The following LCT variants were observed in gnomAD, a reference collection of about 807,000 sequenced individuals.
LCT encodes the protein lactase/phlorizin hydrolase.
Under a neutral mutation model 173.0 loss-of-function variants are expected in LCT, and 90 were observed. The observed-to-expected ratio is 0.52, with a 90% CI of 0.44 to 0.62. LCT has a LOEUF of 0.62. LCT is among the 20% of genes least tolerant of loss of function. LCT has a pLI of 0.00. For missense variants in LCT, 1,864 were observed against 2,431.4 expected (o/e 0.77, Z 4.91); for synonymous variants, 853 against 957.6 (o/e 0.89, Z 2.02).
At chr2:135,817,194 A>C in intron 6 of LCT, 147 bp downstream of exon 6, 1 of 980,348 alleles carries the variant, frequency 1.0e-6, no homozygotes, top group South Asian at 1.6e-5. Context: ...TTTAATTAAC[A>C]ATTTATGGTT....
intron 15 of LCT, 123 bp from the exon 16 acceptor site, chr2:135,789,921 T>G: frequency 1.3e-6 from 1 of 793,498 alleles, no homozygotes; most frequent in Non-Finnish European, 2.2e-6. Flanking sequence ...CGGTAAGCTT[T>G]GGCTTTAGCT....
At chr2:135,823,402 T>C (rs1156637959) in intron 4 of LCT, among the ~76,000 whole-genome samples, 1 of 152,136 alleles carries the variant, frequency 6.6e-6, no homozygotes, top group Non-Finnish European at 1.5e-5. Context: ...TAAGAGACAC[T>C]AGGAAGATGG....
At chr2:135,801,846 T>C (rs995741875) in intron 11 of LCT, among the ~76,000 whole-genome samples, 1 of 151,984 alleles carries the variant, frequency 6.6e-6, no homozygotes, top group Admixed American at 6.6e-5. Context: ...AGTGCTGGGA[T>C]TACAGGCGTG....
chr2:135,813,278 G>T (rs181786235), intron 6 of LCT, among the ~76,000 whole-genome samples: 71 of 152,200 alleles, frequency 4.7e-4, no homozygotes, highest in African/African-American at 1.7e-3. Context: ...ATGTCAACAA[G>T]TCAATAATAT....
chr2:135,836,658 G>A lies in LCT; in HGVS notation c.512C>T (p.Thr171Ile). 1 of 1,614,132 alleles carries A rather than the reference G, an allele frequency of 6.2e-7. No individual in the cohort carries two copies. Among genetic ancestry groups the A allele is most frequent in the African/African-American group, 1.3e-5 (1 of 75,032 alleles). ...SFGDLVGIWFTFSDLEEVIKE... is the reference protein window; with the variant it reads ...SFGDLVGIWFIFSDLEEVIKE... ...GATCACTTCCTCCAAGTCACTGAAGGTGAACCAGATCCCAACTAGGTCCCC... is the reference window on the plus strand; with the variant it reads ...GATCACTTCCTCCAAGTCACTGAAGATGAACCAGATCCCAACTAGGTCCCC... The change falls in exon 1 of 17, where the codon ACC becomes ATC. Residue 171 changes from threonine (T) to isoleucine (I), a missense_variant. Coordinates refer to ENST00000264162, the MANE Select transcript of LCT (RefSeq NM_002299.4).
chr2:135,807,463 C>T, intron 8 of LCT, 67 bp from the exon 9 acceptor site: 2 of 1,430,420 alleles, frequency 1.4e-6, no homozygotes, highest in Non-Finnish European at 2.0e-6. Context: ...ATGCACCCAA[C>T]CCACTGCCAG....
chr2:135,809,694 C>T lies in LCT; in HGVS notation c.2653G>A (p.Glu885Lys). 2 of 1,614,206 alleles carry T rather than the reference C, an allele frequency of 1.2e-6. No homozygotes were observed. The highest frequency in any genetic ancestry group is 1.7e-6 in the Non-Finnish European group (2 of 1,180,036). ...AACTTGGGTTGGCTGGAGAACTTTT[C>T]CCAAACGACTTTAGCCTTGGAGGGC... ...EVPSKAKVVW[E>K]KFSSQPKFER... is the part of the protein sequence containing the mutation. The change falls in exon 8 of 17, where the codon GAA becomes AAA. Residue 885 changes from glutamate to lysine, a missense_variant. Glu to Lys is a moderately conservative substitution (Grantham distance 56, BLOSUM62 1). Around this residue, in one of 4 missense-constraint regions of LCT, gnomAD observed 755 missense variants for 926.3 expected, o/e 0.82. Coordinates refer to ENST00000264162, the MANE Select transcript of LCT (RefSeq NM_002299.4). This position sits in a 1 kb window ranked among gnomAD's most constrained non-coding sequence, Gnocchi z 5.5.
intron 2 of LCT, among the ~76,000 whole-genome samples, chr2:135,829,960 T>A (rs949104512): frequency 7.9e-5 from 12 of 152,098 alleles, no homozygotes; most frequent in Non-Finnish European, 1.2e-4. Context: ...GCAGTGTTGA[T>A]GGCTAAATGA....
chr2:135,809,667 C>T lies in LCT; in HGVS notation c.2680G>A (p.Glu894Lys), dbSNP rs777321408. The T allele has an allele frequency of 1.2e-5, 20 of 1,614,214 alleles. No homozygotes were observed. Among genetic ancestry groups the T allele is most frequent in the East Asian group, 2.2e-5 (1 of 44,888 alleles). Reference protein sequence around the residue: ...WEKFSSQPKFERDLFYHGTFR... With the variant: ...WEKFSSQPKFKRDLFYHGTFR... ...GTCCCGTGGTAGAACAAATCTCTTT[C>T]GAACTTGGGTTGGCTGGAGAACTTT... The change falls in exon 8 of 17, where the codon GAA becomes AAA. Residue 894 changes from glutamate to lysine, a missense_variant. Transcript: ENST00000264162. The surrounding 1 kb of genome is among the most constrained non-coding windows in gnomAD (Gnocchi z 5.5).
intron 13 of LCT, among the ~76,000 whole-genome samples, chr2:135,796,941 A>ATTT (rs997582132): frequency 5.6e-4 from 66 of 118,742 alleles, no homozygotes; most frequent in East Asian, 2.7e-3. Context: ...TGGGAGCTGG[A>ATTT]TTTTTTTTTT....
Position 135,812,410 on chromosome 2 carries a change from G to C in LCT, c.2254C>G (p.Leu752Val), listed in dbSNP as rs1433789097. The change falls in exon 7 of 17, where the codon CTT becomes GTT. Residue 752 changes from leucine (L) to valine (V), a missense_variant. Leu to Val is a conservative substitution (Grantham distance 32). This residue lies in a region of LCT where 755 missense variants were observed against 926.3 expected (regional missense o/e 0.82). Coordinates refer to ENST00000264162, the MANE Select transcript of LCT (RefSeq NM_002299.4). The part of the protein sequence containing the change: ...EYTRGKVPIY[L>V]AGNGMPIGES... ...CCTATGGGCATGCCATTCCCGGCAA[G>C]GTATATTGGAACTTTTCCTCTTGTG... is the stretch of plus-strand genomic sequence containing the variant. 1 of 1,614,032 alleles carries C rather than the reference G, an allele frequency of 6.2e-7. No homozygotes were observed. The highest frequency in any genetic ancestry group is 8.5e-7 in the Non-Finnish European group (1 of 1,179,994).
chr2:135,823,976 T>C lies in LCT; in HGVS notation c.832A>G (p.Ile278Val), dbSNP rs754230141. 8 of 1,613,760 alleles carry C rather than the reference T, an allele frequency of 5.0e-6. No individual in the cohort carries two copies. Among genetic ancestry groups the C allele is most frequent in the African/African-American group, 1.3e-5 (1 of 74,888 alleles). The change falls in exon 4 of 17, where the codon ATC becomes GTC. Residue 278 changes from isoleucine to valine, a missense_variant. This residue lies in a region of LCT where 412 missense variants were observed against 462.0 expected (regional missense o/e 0.89). Transcript: ENST00000264162. ...QTIEPKVKVF[I>V]FNLKLPDCPS... ...CAGTCTGGGAGTTTTAGGTTGAAGATGAAAACTTTCACTTTTGGCTCAATG... is the reference window on the plus strand; with the variant it reads ...CAGTCTGGGAGTTTTAGGTTGAAGACGAAAACTTTCACTTTTGGCTCAATG...
At position 135,804,063 on chromosome 2, in the gene LCT, G is replaced by A; in HGVS notation, c.4530C>T (p.Thr1510=). 6.2e-7 allele frequency: 1 copy of A among 1,614,106 alleles called. No homozygotes were observed. Among genetic ancestry groups the A allele is most frequent in the African/African-American group, 1.3e-5 (1 of 75,042 alleles). Residue 1510 remains threonine, a synonymous_variant, in exon 11 of 17, where the codon ACC becomes ACT. Transcript: ENST00000264162. ...LQDVGGWENE[T]IVQRFKEYAD... is the part of the protein sequence containing the mutation. ...CATACTCCTTAAACCGCTGCACGATGGTCTCATTCTCCCAGCCTCCTACAT... is the reference window on the plus strand; with the variant it reads ...CATACTCCTTAAACCGCTGCACGATAGTCTCATTCTCCCAGCCTCCTACAT...
chr2:135,836,519 T>C lies in LCT; in HGVS notation c.640+11A>G, dbSNP rs1679385554. ...TGCCGAGGGGTCACCATCAGGTCAATGTGTACTCACCCTGAAAAGCATAGC... is the reference window on the plus strand; with the variant it reads ...TGCCGAGGGGTCACCATCAGGTCAACGTGTACTCACCCTGAAAAGCATAGC... On this transcript the variant is annotated intron_variant, in intron 1 of 16. Transcript: ENST00000264162. The C allele has an allele frequency of 3.7e-6, 6 of 1,613,284 alleles. No homozygotes were observed. The highest frequency in any genetic ancestry group is 5.1e-6 in the Non-Finnish European group (6 of 1,179,260).
intron 7 of LCT, among the ~76,000 whole-genome samples, chr2:135,811,775 G>A (rs1338659160): frequency 6.6e-6 from 1 of 150,564 alleles, no homozygotes; most frequent in East Asian, 1.9e-4. Flanking sequence ...GTAGAGGGAG[G>A]TATTCTAGGC....
At position 135,794,768 on chromosome 2, in the gene LCT, C is replaced by T; in HGVS notation, c.4984G>A (p.Glu1662Lys). The T allele has an allele frequency of 6.2e-7, 1 of 1,614,182 alleles. No individual in the cohort carries two copies. Among genetic ancestry groups the T allele is most frequent in the East Asian group, 2.2e-5 (1 of 44,890 alleles). Residue 1662 changes from glutamate to lysine, a missense_variant, in exon 14 of 17, where the codon GAA becomes AAA. Physicochemically the swap from Glu to Lys is moderately conservative, Grantham distance 56 (BLOSUM62 1). Around this residue, in one of 4 missense-constraint regions of LCT, gnomAD observed 514 missense variants for 750.1 expected, o/e 0.69. Transcript: ENST00000264162. ...CTCCTCTTCTCACTCTCTGTAAATT[C>T]TGGCAGCCTGGGTGGAAGAAGCCAT... ...AAGLNKSRLP[E>K]FTESEKRRIN... is the part of the protein sequence containing the mutation.
Position 135,807,358 on chromosome 2 carries a change from C to T in LCT, c.3943G>A (p.Ala1315Thr), listed in dbSNP as rs149815345. The change falls in exon 9 of 17, where the codon GCC becomes ACC. Residue 1315 changes from alanine to threonine, a missense_variant. Ala to Thr is a moderately conservative substitution (Grantham distance 58). This residue lies in a region of LCT where 755 missense variants were observed against 926.3 expected (regional missense o/e 0.82). Transcript: ENST00000264162. ...TCAAAGTTGTCCATCAGAGACCAGGCGACATACCCTCGAAGGTCTATACCA... is the reference window on the plus strand; with the variant it reads ...TCAAAGTTGTCCATCAGAGACCAGGTGACATACCCTCGAAGGTCTATACCA... ...LDGIDLRGYV[A>T]WSLMDNFEWL... 1.2e-5 allele frequency: 20 copies of T among 1,614,098 alleles called. No homozygotes were observed. The highest frequency in any genetic ancestry group is 3.3e-5 in the South Asian group (3 of 91,074).
chr2:135,810,270 C>T (rs1226246833), intron 7 of LCT: 6 of 379,040 alleles, frequency 1.6e-5, no homozygotes, highest in Non-Finnish European at 2.4e-5. Context: ...GTTATTACCT[C>T]GGACCAGCGA....
At chr2:135,800,928 C>G (rs1481400925) in intron 11 of LCT, 119 bp from the exon 12 acceptor site, 4 of 783,966 alleles carry the variant, frequency 5.1e-6, no homozygotes. Flanking sequence ...GATTCTGACA[C>G]TAGGAAAACT....
Sources: gnomAD v4.1 joint callset for allele counts (sites outside exome capture counted in the v4.1 genomes callset) on GRCh38, gnomAD v4.1.1 for gene constraint, gnomAD v4.1.1 regional missense constraint, Gnocchi (gnomAD v3.1) non-coding constraint, MANE v1.5 for transcripts, NCBI Gene and HGNC (gene_info 2026-07-23, HGNC 2026-07-21) for gene names.